Variants in ZNF316 observed in about 807,000 individuals in gnomAD.
The protein encoded by ZNF316 is zinc finger protein 316.
A neutral mutation model predicts 75.6 loss-of-function variants in ZNF316; 23 were observed. The ratio of observed to expected loss-of-function variants is 0.30; its 90% confidence interval spans 0.22 to 0.43. The LOEUF (loss-of-function observed/expected upper bound fraction) is 0.43. Ranked by LOEUF, ZNF316 falls within the 20% of genes least tolerant of loss-of-function variation. ZNF316 has a pLI of 1.00. For synonymous variants in ZNF316, 827 were observed against 666.2 expected (o/e 1.24, Z -3.72); for missense variants, 1,266 against 1,409.4 (o/e 0.90, Z 1.63).
In ZNF316 at chr7:6,651,748, G is replaced by A. The variant is rs1233073684; in HGVS notation, c.707-555G>A. Among the ~76,000 whole-genome samples the A allele has an allele frequency of 4.6e-5, 7 of 152,210 alleles. 1 individual carries two copies. The highest frequency in any genetic ancestry group is 4.1e-4 in the South Asian group (2 of 4,836). On this transcript the variant is annotated intron_variant, in intron 8 of 8. Coordinates refer to ENST00000382252, the MANE Select transcript of ZNF316 (RefSeq NM_001278559.2). Reference sequence around the variant, plus strand: ...ACTGCACTCCAGCCTGGGTGACAGAGTGAGACTCTTGTCTCAAAACAAAAA... The same window carrying A: ...ACTGCACTCCAGCCTGGGTGACAGAATGAGACTCTTGTCTCAAAACAAAAA...
rs1779544479 is a variant in ZNF316 at position 6,653,175 on chromosome 7, G to T, written c.1579G>T (p.Ala527Ser). 3.3e-6 allele frequency: 4 copies of T among 1,205,354 alleles called. No individual in the cohort carries two copies. Among genetic ancestry groups the T allele is most frequent in the Middle Eastern group, 6.5e-4 (2 of 3,062 alleles). The allele number at this position is 1,205,354 out of a possible 1,614,324, so 74.7% of individuals were successfully genotyped here. Residue 527 changes from alanine to serine, a missense_variant, in exon 9 of 9, where the codon GCC becomes TCC. Coordinates refer to ENST00000382252, the MANE Select transcript of ZNF316 (RefSeq NM_001278559.2). ...GCGGGAGCCCGGCGAGACGGCGGCC[G>T]CCGCGGGGCCCGAGGACACGGACCC... Reference protein sequence around the residue: ...PRREPGETAAAAGPEDTDPGP... With the variant: ...PRREPGETAASAGPEDTDPGP...
In ZNF316 at chr7:6,639,803, C is replaced by T. The variant is rs891841696; in HGVS notation, c.-167+662C>T. On this transcript the variant is annotated intron_variant, in intron 3 of 8. Transcript: ENST00000382252. This position sits in a 1 kb window ranked among gnomAD's most constrained non-coding sequence, Gnocchi z 4.2. ...AGTTGGGAAACCGTTGCTGCGTGTACCCAGCGCCCTGAGTGCTGGGCAGGG... is the reference window on the plus strand; with the variant it reads ...AGTTGGGAAACCGTTGCTGCGTGTATCCAGCGCCCTGAGTGCTGGGCAGGG... Among the ~76,000 whole-genome samples the T allele has an allele frequency of 2.0e-5, 3 of 152,198 alleles. No individual in the cohort carries two copies. Among genetic ancestry groups the T allele is most frequent in the Non-Finnish European group, 4.4e-5 (3 of 68,030 alleles).
At chr7:6,649,821 C>T (rs953808917) in intron 8 of ZNF316, among the ~76,000 whole-genome samples, 4 of 152,122 alleles carry the variant, frequency 2.6e-5, no homozygotes, top group Non-Finnish European at 2.9e-5. Context: ...CCAGAGCTGG[C>T]GGGGGGTGCC....
In ZNF316 at chr7:6,653,543, G is replaced by A. The variant is rs1470299784; in HGVS notation, c.1947G>A (p.Ala649=). The change falls in exon 9 of 9, where the codon GCG becomes GCA. Residue 649 remains alanine, a synonymous_variant. Transcript: ENST00000382252. The part of the protein sequence containing the change: ...PLSLVEGTGL[A]CDPFGGGGAA... ...CCCTGGTGGAGGGTACCGGGCTGGC[G>A]TGCGACCCTTTCGGCGGCGGCGGGG... 4.1e-6 allele frequency: 5 copies of A among 1,207,264 alleles called. No homozygotes were observed. The highest frequency in any genetic ancestry group is 1.6e-5 in the African/African-American group (1 of 63,148). 74.8% of individuals were successfully genotyped at this position (1,207,264 alleles called of 1,614,324 possible). A position where few individuals can be genotyped will look rare whatever the true frequency, so the allele number is the denominator to read the frequency against.
intron 8 of ZNF316, among the ~76,000 whole-genome samples, chr7:6,651,938 C>T (rs1044062420): frequency 1.3e-5 from 2 of 152,180 alleles, no homozygotes. Context: ...TTGGGTTTAA[C>T]CTTCGGTCGC....
At chr7:6,638,624 G>T (rs1167905998) in intron 2 of ZNF316, among the ~76,000 whole-genome samples, 1 of 152,052 alleles carries the variant, frequency 6.6e-6, no homozygotes, top group African/African-American at 2.4e-5. Context: ...ATCCTAGAGT[G>T]CAGGGCCCTA....
chr7:6,654,726 G>T lies in ZNF316; in HGVS notation c.*115G>T, dbSNP rs1014642568. ...TGAGGGTCCCAGTCCTGGGTGCGGTGCCTTCCCTCAGCCCTCGCCCTGCGG... is the reference window on the plus strand; with the variant it reads ...TGAGGGTCCCAGTCCTGGGTGCGGTTCCTTCCCTCAGCCCTCGCCCTGCGG... On this transcript the variant is annotated 3_prime_UTR_variant, in exon 9 of 9. Coordinates refer to ENST00000382252, the MANE Select transcript of ZNF316 (RefSeq NM_001278559.2). The T allele has an allele frequency of 4.2e-6, 4 of 942,024 alleles. No individual in the cohort carries two copies. Among genetic ancestry groups the T allele is most frequent in the Middle Eastern group, 4.4e-4 (1 of 2,272 alleles). 58.4% of individuals were successfully genotyped at this position (942,024 alleles called of 1,614,324 possible). A position where few individuals can be genotyped will look rare whatever the true frequency, so the allele number is the denominator to read the frequency against.
rs1386164326 is a variant in ZNF316 at position 6,654,008 on chromosome 7, G to A, written c.2412G>A (p.Ala804=). 4 of 1,187,994 alleles carry A rather than the reference G, an allele frequency of 3.4e-6. No homozygotes were observed. The highest frequency in any genetic ancestry group is 4.1e-5 in the South Asian group (1 of 24,200). The allele number at this position is 1,187,994 out of a possible 1,614,324, so 73.6% of individuals were successfully genotyped here. Residue 804 remains alanine, a synonymous_variant, in exon 9 of 9, where the codon GCG becomes GCA. Transcript: ENST00000382252. The part of the protein sequence containing the change: ...GRAHTGERPY[A]CGECGRRFGQ... ...CGCACACCGGGGAGCGGCCTTACGC[G>A]TGTGGAGAGTGCGGCCGGCGCTTCG...
rs1322985703 is a variant in ZNF316, at chr7:6,654,744, C to T, written c.*133C>T. 3.8e-6 allele frequency: 3 copies of T among 790,290 alleles called. No homozygotes were observed. Among genetic ancestry groups the T allele is most frequent in the Non-Finnish European group, 4.9e-6 (3 of 613,822 alleles). 49.0% of individuals were successfully genotyped at this position (790,290 alleles called of 1,614,324 possible). A position where few individuals can be genotyped will look rare whatever the true frequency, so the allele number is the denominator to read the frequency against. ...GTGCGGTGCCTTCCCTCAGCCCTCG[C>T]CCTGCGGCCCCGGGTCTCATGCCCG... On this transcript the variant is annotated 3_prime_UTR_variant, in exon 9 of 9. Transcript: ENST00000382252.
In ZNF316 at chr7:6,652,898, C is replaced by G; in HGVS notation, c.1302C>G (p.Cys434Trp). The G allele has an allele frequency of 8.1e-7, 1 of 1,240,598 alleles. No individual in the cohort carries two copies. The highest frequency in any genetic ancestry group is 1.0e-6 in the Non-Finnish European group (1 of 991,490). 76.8% of individuals were successfully genotyped at this position (1,240,598 alleles called of 1,614,324 possible). A position where few individuals can be genotyped will look rare whatever the true frequency, so the allele number is the denominator to read the frequency against. Residue 434 changes from cysteine to tryptophan, a missense_variant, in exon 9 of 9, where the codon TGC (cysteine) becomes TGG (tryptophan). By Grantham distance (215) the Cys-to-Trp change is radical. Coordinates refer to ENST00000382252, the MANE Select transcript of ZNF316 (RefSeq NM_001278559.2). ...TGERPYRCAFCGAGFGRRSYL... is the reference protein window; with the variant it reads ...TGERPYRCAFWGAGFGRRSYL... ...AGCGGCCCTACCGCTGCGCCTTCTG[C>G]GGCGCGGGCTTCGGGCGCCGCTCCT...
chr7:6,650,924 A>G (rs950047581), intron 8 of ZNF316, among the ~76,000 whole-genome samples: 46 of 152,290 alleles, frequency 3.0e-4, no homozygotes, highest in African/African-American at 1.1e-3. Context: ...TGAGCCATCA[A>G]CAGGAGCCCC....
In ZNF316 at chr7:6,646,486, G is replaced by C. The variant is rs148985445; in HGVS notation, c.706+1893G>C. On this transcript the variant is annotated intron_variant, in intron 8 of 8. Transcript: ENST00000382252. Reference sequence around the variant, plus strand: ...AGCCTGAGTGGTTCCCTTTCAGCCCGGGCAACAGTACCCTTGTGGCCTGTG... The same window carrying C: ...AGCCTGAGTGGTTCCCTTTCAGCCCCGGCAACAGTACCCTTGTGGCCTGTG... Among the ~76,000 whole-genome samples, 68 of 152,278 alleles carry C rather than the reference G, an allele frequency of 4.5e-4. No homozygotes were observed. In the East Asian group the frequency reaches 0.013, roughly 28 times the overall value.
At position 6,643,025 on chromosome 7, in the gene ZNF316, G is replaced by T; in HGVS notation, c.417G>T (p.Glu139Asp). The T allele has an allele frequency of 8.1e-7, 1 of 1,239,376 alleles. No homozygotes were observed. 76.8% of individuals were successfully genotyped at this position (1,239,376 alleles called of 1,614,324 possible). A position where few individuals can be genotyped will look rare whatever the true frequency, so the allele number is the denominator to read the frequency against. Residue 139 changes from glutamate (E) to aspartate (D), a missense_variant, in exon 6 of 9, where the codon GAG becomes GAT. Physicochemically the swap from Glu to Asp is conservative, Grantham distance 45 (BLOSUM62 2). Around this residue, in one of 3 missense-constraint regions of ZNF316, gnomAD observed 961 missense variants for 990.9 expected, o/e 0.97. Transcript: ENST00000382252. The stretch of plus-strand genomic sequence containing the variant: ...ATGAGGACCTGGAGGAGGAGGAAGA[G>T]GAGGAGGAGGATGAGGACGAGGATG... ...PRDEDLEEEE[E>D]EEEDEDEDDL... is the part of the protein sequence containing the mutation.
Position 6,653,643 on chromosome 7 carries a change from G to C in ZNF316, c.2047G>C (p.Ala683Pro). ...TCTGCTGGCGGAGCCCGCGCCGGCC[G>C]CGCTGGCGGAGGAGGAGAGCCCGTG... ...GGLLAEPAPA[A>P]LAEEESPWIC... The change falls in exon 9 of 9, where the codon GCG (alanine) becomes CCG (proline). Residue 683 changes from alanine to proline, a missense_variant. By Grantham distance (27) the Ala-to-Pro change is conservative. Transcript: ENST00000382252. 1 of 1,066,970 alleles carries C rather than the reference G, an allele frequency of 9.4e-7. No homozygotes were observed. 66.1% of individuals were successfully genotyped at this position (1,066,970 alleles called of 1,614,324 possible). A position where few individuals can be genotyped will look rare whatever the true frequency, so the allele number is the denominator to read the frequency against.
At position 6,653,928 on chromosome 7, in the gene ZNF316, G is replaced by C. The variant is rs1779568103; in HGVS notation, c.2332G>C (p.Gly778Arg). Residue 778 changes from glycine (G) to arginine (R), a missense_variant, in exon 9 of 9, where the codon GGC (glycine) becomes CGC (arginine). This residue lies in a region of ZNF316 where 194 missense variants were observed against 319.2 expected (regional missense o/e 0.61). Transcript: ENST00000382252. ...CACGGGCGAGAAGCCGTTCGTGTGC[G>C]GCGTGTGCGGTGCGGGGTTCAGCCG... ...GHTGEKPFVC[G>R]VCGAGFSRRA... 3.5e-6 allele frequency: 4 copies of C among 1,142,674 alleles called. No homozygotes were observed. The highest frequency in any genetic ancestry group is 4.3e-6 in the Non-Finnish European group (4 of 931,576). The allele number at this position is 1,142,674 out of a possible 1,614,324, so 70.8% of individuals were successfully genotyped here.
intron 2 of ZNF316, 114 bp from the exon 3 acceptor site, chr7:6,638,928 G>C (rs1011477250): frequency 6.6e-6 from 1 of 152,408 alleles, no homozygotes; most frequent in African/African-American, 2.4e-5. Context: ...GATAACCCAG[G>C]GGGAGTTGCT....
chr7:6,644,574 C>T lies in ZNF316; in HGVS notation c.687C>T (p.Ile229=), dbSNP rs891115460. The change falls in exon 8 of 9, where the codon ATC becomes ATT. Residue 229 remains isoleucine, a synonymous_variant. Transcript: ENST00000382252. ...GTCCCCGACCTGAGGAAGGAGACAT[C>T]GTCACTGGCGTCTACACAGGTGAGC... ...PDSPRPEEGD[I]VTGVYTGAWF... is the part of the protein sequence containing the mutation. 2.3e-5 allele frequency: 28 copies of T among 1,231,844 alleles called. No individual in the cohort carries two copies. Among genetic ancestry groups the T allele is most frequent in the African/African-American group, 4.7e-5 (3 of 64,392 alleles). The allele number at this position is 1,231,844 out of a possible 1,614,324, so 76.3% of individuals were successfully genotyped here. A position where few individuals can be genotyped will look rare whatever the true frequency, so the allele number is the denominator to read the frequency against.
At position 6,642,459 on chromosome 7, in the gene ZNF316, G is replaced by C. The variant is rs745904288; in HGVS notation, c.50G>C (p.Arg17Pro). ...TPDSPAAQLE[R>P]AEDGSECDPD... is the part of the protein sequence containing the mutation. ...GACTCCCCAGCTGCCCAGCTGGAGC[G>C]GGCAGAGGACGGGTCAGAGTGCGAC... The change falls in exon 5 of 9, where the codon CGG becomes CCG. Residue 17 changes from arginine to proline, a missense_variant. Physicochemically the swap from Arg to Pro is moderately radical, Grantham distance 103. Around this residue, in one of 3 missense-constraint regions of ZNF316, gnomAD observed 961 missense variants for 990.9 expected, o/e 0.97. Coordinates refer to ENST00000382252, the MANE Select transcript of ZNF316 (RefSeq NM_001278559.2). This position sits in a 1 kb window ranked among gnomAD's most constrained non-coding sequence, Gnocchi z 8.1. 9.7e-5 allele frequency: 119 copies of C among 1,232,406 alleles called. 1 individual carries two copies. The Admixed American group carries it at 9.7e-4, about 10-fold the overall frequency. The allele number at this position is 1,232,406 out of a possible 1,614,324, so 76.3% of individuals were successfully genotyped here. A position where few individuals can be genotyped will look rare whatever the true frequency, so the allele number is the denominator to read the frequency against.
chr7:6,649,702 G>C (rs1435979419), intron 8 of ZNF316, among the ~76,000 whole-genome samples: 1 of 152,158 alleles, frequency 6.6e-6, no homozygotes, highest in Admixed American at 6.5e-5. Context: ...CAGGGACTTG[G>C]ATGTCCTTCC....
Sources: allele counts gnomAD v4.1 joint callset (sites outside exome capture counted in the v4.1 genomes callset), GRCh38; gene constraint gnomAD v4.1.1; regional missense constraint gnomAD v4.1.1; non-coding constraint Gnocchi (gnomAD v3.1); transcripts MANE v1.5; gene names NCBI Gene and HGNC (gene_info 2026-07-23, HGNC 2026-07-21).